Variants in LYPD4 observed in about 807,000 individuals in gnomAD.
The protein encoded by LYPD4 is ly6/PLAUR domain-containing protein 4.
LYPD4 carries 20 observed loss-of-function variants against 18.2 expected under a neutral mutation model. The observed-to-expected ratio is 1.10, with a 90% CI of 0.77 to 1.59. The LOEUF is 1.59. Among genes scored for constraint, LYPD4 ranks in the 40% most tolerant of loss-of-function variants. The pLI is 0.00. For synonymous variants in LYPD4, 111 were observed against 118.3 expected (o/e 0.94, Z 0.40); for missense variants, 278 against 300.3 (o/e 0.93, Z 0.55).
chr19:41,836,487 G>A (rs942969608), downstream of LYPD4, among the ~76,000 whole-genome samples: 7 of 151,912 alleles, frequency 4.6e-5, no homozygotes, highest in Non-Finnish European at 1.5e-5. Context: ...GACAAAAGCT[G>A]CCTCACTGAG....
In LYPD4 at chr19:41,837,135, C is replaced by G. The variant is rs1831748873; in HGVS notation, c.*8G>C. On this transcript the variant is annotated 3_prime_UTR_variant, in exon 5 of 5. Coordinates refer to ENST00000609812, the MANE Select transcript of LYPD4 (RefSeq NM_173506.7). ...GAGTCTGGGTGCTTGTCGGGTGCAG[C>G]TAGATGGTCAGTCCCTGAAGGCAAA... 1 of 1,613,748 alleles carries G rather than the reference C, an allele frequency of 6.2e-7. No homozygotes were observed. Among genetic ancestry groups the G allele is most frequent in the Non-Finnish European group, 8.5e-7 (1 of 1,179,854 alleles).
At position 41,844,015 on chromosome 19, in the gene LYPD4, G is replaced by C. The variant is rs538906368; in HGVS notation, c.-558C>G. ...TGGAATGGAACCTTGCAGGGAGAGA[G>C]AGGACCAGCAGAGAGAGGGAGGCGT... On this transcript the variant is annotated 5_prime_UTR_variant, in exon 1 of 5. Coordinates refer to ENST00000609812, the MANE Select transcript of LYPD4 (RefSeq NM_173506.7). 1 of 151,650 alleles carries C rather than the reference G, an allele frequency of 6.6e-6. No homozygotes were observed. Among genetic ancestry groups the C allele is most frequent in the Admixed American group, 6.6e-5 (1 of 15,172 alleles). 9.4% of individuals were successfully genotyped at this position (151,650 alleles called of 1,614,324 possible). A position where few individuals can be genotyped will look rare whatever the true frequency, so the allele number is the denominator to read the frequency against.
At chr19:41,842,585 C>T (rs1555833809) in intron 1 of LYPD4, among the ~76,000 whole-genome samples, 1 of 151,074 alleles carries the variant, frequency 6.6e-6, no homozygotes, top group African/African-American at 2.4e-5. Context: ...TGGCAAAATC[C>T]TGACTCTACT....
At chr19:41,838,365 T>C in intron 3 of LYPD4, 104 bp from the exon 4 acceptor site, 1 of 1,008,018 alleles carries the variant, frequency 9.9e-7, no homozygotes, top group South Asian at 2.1e-5. Flanking sequence ...TGTCACAATC[T>C]GTGCCTCCCT....
In LYPD4 at chr19:41,839,371, G is replaced by T. The variant is rs529212562; in HGVS notation, c.-86C>A. On this transcript the variant is annotated 5_prime_UTR_variant, in exon 2 of 5. Transcript: ENST00000609812. Reference sequence around the variant, plus strand: ...CCAAGCTCAGTTCCCATCAGTCCCCGAATTCTTTGTCCACCTGTCTCTGGG... The same window carrying T: ...CCAAGCTCAGTTCCCATCAGTCCCCTAATTCTTTGTCCACCTGTCTCTGGG... 7.8e-6 allele frequency: 10 copies of T among 1,284,176 alleles called. No homozygotes were observed. The African/African-American group carries it at 1.0e-4, about 13-fold the overall frequency. 79.5% of individuals were successfully genotyped at this position (1,284,176 alleles called of 1,614,324 possible).
chr19:41,837,030 C>A, downstream of LYPD4: 2 of 1,520,870 alleles, frequency 1.3e-6, no homozygotes, highest in Non-Finnish European at 1.8e-6. Flanking sequence ...GCCTTCCTCA[C>A]ACCTTCCTCA....
chr19:41,840,994 C>T (rs1336514075), intron 1 of LYPD4, among the ~76,000 whole-genome samples: 1 of 151,938 alleles, frequency 6.6e-6, no homozygotes, highest in Admixed American at 6.6e-5. Context: ...TAAGGAGCAA[C>T]AAAGCAATTC....
chr19:41,840,667 A>G (rs1488828475), intron 1 of LYPD4, among the ~76,000 whole-genome samples: 2 of 151,814 alleles, frequency 1.3e-5, no homozygotes, highest in African/African-American at 4.8e-5. Flanking sequence ...CCCATCTCTA[A>G]AAACACAAAA....
intron 4 of LYPD4, among the ~76,000 whole-genome samples, chr19:41,837,680 C>A (rs1276692790): frequency 1.3e-5 from 2 of 149,462 alleles, no homozygotes; most frequent in African/African-American, 4.9e-5. Context: ...GGCAACAGAG[C>A]AAGACTCCCA....
At chr19:41,839,875 C>T (rs1328021425) in intron 1 of LYPD4, among the ~76,000 whole-genome samples, 1 of 151,904 alleles carries the variant, frequency 6.6e-6, no homozygotes, top group South Asian at 2.1e-4. Context: ...AATGGTAAAA[C>T]CCCATCTCTA....
downstream of LYPD4, among the ~76,000 whole-genome samples, chr19:41,836,234 A>G (rs1259558931): frequency 7.1e-6 from 1 of 140,732 alleles, no homozygotes; most frequent in Admixed American, 7.6e-5. Context: ...CTCCGGGTGA[A>G]AAACAACCAC....
chr19:41,840,609 G>A (rs781872395), intron 1 of LYPD4, among the ~76,000 whole-genome samples: 1 of 152,022 alleles, frequency 6.6e-6, no homozygotes, highest in Non-Finnish European at 1.5e-5. Context: ...GAGGCAGGCA[G>A]ATCACGAGGT....
chr19:41,841,092 C>A (rs1286480537), intron 1 of LYPD4, among the ~76,000 whole-genome samples: 1 of 152,106 alleles, frequency 6.6e-6, no homozygotes. Context: ...CAAAAAAGAT[C>A]CATTCTATGA....
chr19:41,844,767 T>C (rs1429824039), upstream of LYPD4: 1 of 152,176 alleles, frequency 6.6e-6, no homozygotes, highest in Non-Finnish European at 1.5e-5. Flanking sequence ...GACGCCCCAT[T>C]GGCCACCTGC....
In LYPD4 at chr19:41,838,116, G is replaced by C. The variant is rs1555831276; in HGVS notation, c.357C>G (p.Thr119=). The change falls in exon 4 of 5, where the codon ACC becomes ACG. Residue 119 remains threonine (T), a synonymous_variant. Transcript: ENST00000609812. ...VCRSYLCNNL[T]NLEPFVKLKA... Reference sequence around the variant, plus strand: ...TGAGTTTCACAAAAGGCTCCAAATTGGTGAGGTTGTTGCAGAGATAAGACC... The same window carrying C: ...TGAGTTTCACAAAAGGCTCCAAATTCGTGAGGTTGTTGCAGAGATAAGACC... 1 of 1,614,080 alleles carries C rather than the reference G, an allele frequency of 6.2e-7. No homozygotes were observed.
At position 41,838,170 on chromosome 19, in the gene LYPD4, C is replaced by T. The variant is rs1291693100; in HGVS notation, c.303G>A (p.Val101=). 2.5e-6 allele frequency: 4 copies of T among 1,607,720 alleles called. No homozygotes were observed. The highest frequency in any genetic ancestry group is 2.6e-6 in the Non-Finnish European group (3 of 1,175,600). ...AGACGCGACTGTAGGAGGCAATGGA[C>T]ACTCCGGGTGGGGAAACAAGGTAGG... ...QISYLVSPPG[V]SIASYSRVCR... The change falls in exon 4 of 5, where the codon GTG becomes GTA. Residue 101 remains valine, a synonymous_variant. Coordinates refer to ENST00000609812, the MANE Select transcript of LYPD4 (RefSeq NM_173506.7).
intron 1 of LYPD4, among the ~76,000 whole-genome samples, chr19:41,840,658 C>T (rs1016379854): frequency 2.6e-5 from 4 of 151,760 alleles, no homozygotes; most frequent in African/African-American, 4.8e-5. Flanking sequence ...CGGTGAAACC[C>T]CATCTCTAAA....
chr19:41,838,447 A>G (rs2073451302), intron 3 of LYPD4, among the ~76,000 whole-genome samples, 186 bp from the exon 4 acceptor site: 1 of 151,532 alleles, frequency 6.6e-6, no homozygotes, highest in Non-Finnish European at 1.5e-5. Context: ...GGATCTCCTC[A>G]TTCTTCCACT....
At chr19:41,836,327 A>AAAAAG (rs2073373758), downstream of LYPD4, among the ~76,000 whole-genome samples, 2 of 131,548 alleles carry the variant, frequency 1.5e-5, no homozygotes, top group African/African-American at 5.8e-5. Context: ...AAAAAAAAAA[A>AAAAAG]CAACTACTGA....
Sources: gnomAD v4.1 joint callset for allele counts (sites outside exome capture counted in the v4.1 genomes callset) on GRCh38, gnomAD v4.1.1 for gene constraint, MANE v1.5 for transcripts, NCBI Gene and HGNC (gene_info 2026-07-23, HGNC 2026-07-21) for gene names.